The following CYP20A1 variants were observed in gnomAD, a reference collection of about 807,000 sequenced individuals.
CYP20A1 encodes the protein cytochrome P450 20A1.
In CYP20A1, 61 loss-of-function variants were observed where a neutral mutation model predicts 61.4. That is an observed-to-expected ratio of 0.99 (90% confidence interval 0.81 to 1.23). CYP20A1 has a LOEUF of 1.23. CYP20A1 is among the 50% of genes most tolerant of loss of function. The probability of loss-of-function intolerance (pLI) is 0.00; values close to 1 mark genes in which losing one functional copy is unlikely to be tolerated. For synonymous variants in CYP20A1, 193 were observed against 188.2 expected (o/e 1.03, Z -0.21); for missense variants, 530 against 542.4 (o/e 0.98, Z 0.23).
intron 1 of CYP20A1, among the ~76,000 whole-genome samples, chr2:203,241,695 C>A (rs2066260185): frequency 6.6e-6 from 1 of 152,204 alleles, no homozygotes; most frequent in Non-Finnish European, 1.5e-5. Flanking sequence ...GAGACAGAGT[C>A]TCACTCTTGC....
At chr2:203,252,185 CTATCTTTG>C in intron 4 of CYP20A1, 76 bp downstream of exon 4, 5 of 1,138,816 alleles carry the variant, frequency 4.4e-6, no homozygotes, top group Non-Finnish European at 5.9e-6. Flanking sequence ...TTGGTGTGTA[CTATCTTTG>C]TTACTCTTTT....
rs2068964002 is a variant in CYP20A1 at position 203,300,150 on chromosome 2, T to C, written c.*3242T>C. Among the ~76,000 whole-genome samples, 1 of 152,212 alleles carries C rather than the reference T, an allele frequency of 6.6e-6. No homozygotes were observed. Among genetic ancestry groups the C allele is most frequent in the Non-Finnish European group, 1.5e-5 (1 of 68,046 alleles). ...TTGAACCAGAGTCAGCCAGTTGGCA[T>C]AACTGCCAATAAATGAGGCAGTGTA... is the stretch of plus-strand genomic sequence containing the variant. On this transcript the variant is annotated 3_prime_UTR_variant, in exon 13 of 13. Transcript: ENST00000356079.
chr2:203,265,449 T>C (rs1028396448), intron 4 of CYP20A1, among the ~76,000 whole-genome samples: 2 of 152,188 alleles, frequency 1.3e-5, no homozygotes, highest in African/African-American at 4.8e-5. Flanking sequence ...CCATATTCTC[T>C]CTCCCACCTT....
At chr2:203,296,657 A>G (rs1342404869) in intron 12 of CYP20A1, 94 bp downstream of exon 12, 1 of 1,406,602 alleles carries the variant, frequency 7.1e-7, no homozygotes, top group Admixed American at 2.4e-5. Context: ...TTATTTTTTT[A>G]TTATTATTGT....
intron 3 of CYP20A1, among the ~76,000 whole-genome samples, chr2:203,247,975 C>T (rs549754226): frequency 1.3e-5 from 2 of 152,232 alleles, no homozygotes; most frequent in African/African-American, 4.8e-5. Context: ...CCTGTAATCC[C>T]AACATTTTAG....
intron 5 of CYP20A1, among the ~76,000 whole-genome samples, chr2:203,268,645 C>A (rs2067432357): frequency 6.6e-6 from 1 of 151,700 alleles, no homozygotes; most frequent in Non-Finnish European, 1.5e-5. Context: ...AGCCTTGCCA[C>A]CAGAGTGGCC....
In CYP20A1 at chr2:203,301,366, A is replaced by G. The variant is rs1559113224; in HGVS notation, c.*4458A>G. 6.6e-6 allele frequency among the ~76,000 whole-genome samples: 1 copy of G among 150,384 alleles called. No individual in the cohort carries two copies. Among genetic ancestry groups the G allele is most frequent in the Admixed American group, 6.7e-5 (1 of 14,996 alleles). ...CCACCTCCTGGGCTCCAGCGATCTC[A>G]CCTCAGCCTCTAGAATAGCTGGGAC... On this transcript the variant is annotated 3_prime_UTR_variant, in exon 13 of 13. Transcript: ENST00000356079.
chr2:203,272,730 A>G lies in CYP20A1; in HGVS notation c.661A>G (p.Lys221Glu), dbSNP rs773549798. The change falls in exon 6 of 13, where the codon AAA becomes GAA. Residue 221 changes from lysine to glutamate, a missense_variant. Transcript: ENST00000356079. ...DGSLDKNMTR[K>E]KQYEDALMQL... ...GTCACTTGATAAAAACATGACTCGGAAAAAACAATATGAAGATGGTAAGTT... is the reference window on the plus strand; with the variant it reads ...GTCACTTGATAAAAACATGACTCGGGAAAAACAATATGAAGATGGTAAGTT... 2.6e-5 allele frequency: 41 copies of G among 1,601,714 alleles called. No homozygotes were observed. The highest frequency in any genetic ancestry group is 3.4e-5 in the Non-Finnish European group (40 of 1,175,712).
intron 5 of CYP20A1, among the ~76,000 whole-genome samples, chr2:203,269,059 C>T (rs1029216664): frequency 1.3e-5 from 2 of 152,178 alleles, no homozygotes; most frequent in African/African-American, 2.4e-5. Flanking sequence ...CTGCCCCCTA[C>T]AAACATTGTC....
intron 6 of CYP20A1, among the ~76,000 whole-genome samples, chr2:203,275,918 G>GAA (rs2067801867): frequency 6.6e-6 from 1 of 152,132 alleles, no homozygotes; most frequent in Non-Finnish European, 1.5e-5. Flanking sequence ...TAAGTAAACT[G>GAA]AATAGTACAT....
chr2:203,251,490 C>T (rs2066667886), intron 3 of CYP20A1, among the ~76,000 whole-genome samples: 1 of 151,658 alleles, frequency 6.6e-6, no homozygotes. Flanking sequence ...AAACAGTTTG[C>T]TGGGTGCGGC....
intron 5 of CYP20A1, among the ~76,000 whole-genome samples, chr2:203,269,660 A>C (rs1313515532): frequency 6.6e-6 from 1 of 151,764 alleles, no homozygotes; most frequent in Non-Finnish European, 1.5e-5. Context: ...ACGCCTGGCT[A>C]ATTTTTGTAC....
At chr2:203,270,420 C>G (rs1011504778) in intron 5 of CYP20A1, among the ~76,000 whole-genome samples, 1 of 151,976 alleles carries the variant, frequency 6.6e-6, no homozygotes, top group Non-Finnish European at 1.5e-5. Context: ...CTCAGGGGAT[C>G]CTCTGACCTC....
rs1028872025 is a variant in CYP20A1, at chr2:203,302,212, G to T, written c.*5304G>T. 6.6e-6 allele frequency among the ~76,000 whole-genome samples: 1 copy of T among 152,058 alleles called. No homozygotes were observed. The highest frequency in any genetic ancestry group is 6.6e-5 in the Admixed American group (1 of 15,232). ...AAAGTGCTGGGATTACAGGCATGGG[G>T]CACCATGCCCAGCCCCACTGTTAAG... On this transcript the variant is annotated 3_prime_UTR_variant, in exon 13 of 13. Transcript: ENST00000356079.
At chr2:203,252,771 T>G (rs1440405673) in intron 4 of CYP20A1, among the ~76,000 whole-genome samples, 5 of 151,992 alleles carry the variant, frequency 3.3e-5, no homozygotes, top group Non-Finnish European at 7.4e-5. Flanking sequence ...TTGCCACTAG[T>G]CTTAGTTGGC....
chr2:203,287,706 A>AAAAT (rs34934528), intron 9 of CYP20A1, among the ~76,000 whole-genome samples: 135,627 of 151,634 alleles, frequency 0.89, 61,488 homozygotes, highest in Non-Finnish European at 0.96. Flanking sequence ...CTATCTCTTA[A>AAAAT]AAATAAGTAA....
rs547485322 is a variant in CYP20A1 at position 203,291,898 on chromosome 2, A to G, written c.1084-364A>G. On this transcript the variant is annotated intron_variant, in intron 10 of 12. Transcript: ENST00000356079. The stretch of plus-strand genomic sequence containing the variant: ...TTGTGTCCATGTGTTCTCATTGTTC[A>G]CTTCCCACCTATGAGTGAGAACATG... Among the ~76,000 whole-genome samples, 168 of 152,096 alleles carry G rather than the reference A, an allele frequency of 1.1e-3. 1 individual carries two copies. The Middle Eastern group carries it at 0.014, about 12-fold the overall frequency.
At position 203,297,129 on chromosome 2, in the gene CYP20A1, AG is replaced by A. The variant is rs796758921; in HGVS notation, c.*222del. On this transcript the variant is annotated 3_prime_UTR_variant, in exon 13 of 13. Coordinates refer to ENST00000356079, the MANE Select transcript of CYP20A1 (RefSeq NM_177538.3). ...ATTGATCATTTTAATGGGAAACTTT[AG>A]CTTTCTACTTTTTATTTTTGTTTTT... The A allele has an allele frequency of 7.4e-5, 22 of 295,648 alleles. No homozygotes were observed. Among genetic ancestry groups the A allele is most frequent in the African/African-American group, 4.6e-4 (21 of 45,888 alleles). The allele number at this position is 295,648 out of a possible 1,614,324, so 18.3% of individuals were successfully genotyped here.
At chr2:203,252,436 C>T (rs2066728028) in intron 4 of CYP20A1, among the ~76,000 whole-genome samples, 1 of 151,810 alleles carries the variant, frequency 6.6e-6, no homozygotes, top group Non-Finnish European at 1.5e-5. Flanking sequence ...ACTCTGTCAC[C>T]CAGGCTGGAG....
Sources: gnomAD v4.1 joint callset for allele counts (sites outside exome capture counted in the v4.1 genomes callset) on GRCh38, gnomAD v4.1.1 for gene constraint, MANE v1.5 for transcripts, NCBI Gene and HGNC (gene_info 2026-07-23, HGNC 2026-07-21) for gene names.